The following RANBP2 variants were observed in gnomAD, a reference collection of about 807,000 sequenced individuals.
RANBP2 encodes the protein RAN binding protein 2, also known as E3 SUMO-protein ligase RanBP2.
In RANBP2, 57 loss-of-function variants were observed where a neutral mutation model predicts 303.6. The observed-to-expected ratio is 0.19, with a 90% CI of 0.15 to 0.23. The LOEUF (loss-of-function observed/expected upper bound fraction) is 0.23, where lower values mean the gene tolerates loss of function less well. Among genes scored for constraint, RANBP2 ranks in the 10% least tolerant of loss-of-function variants. The pLI is 1.00. For missense variants in RANBP2, 3,138 were observed against 3,780.8 expected, an observed-to-expected ratio of 0.83 and a Z score of 4.46; for synonymous variants, 1,167 against 1,301.5, an observed-to-expected ratio of 0.90 and a Z score of 2.23.
the RANBP2 span, among the ~76,000 whole-genome samples, chr2:109,031,971 C>T: frequency 6.9e-6 from 1 of 145,442 alleles, no homozygotes; most frequent in Non-Finnish European, 1.5e-5. Flanking sequence ...ACGCTCGCTG[C>T]CCTCCCTCCC....
the RANBP2 span, among the ~76,000 whole-genome samples, chr2:109,437,863 A>G: frequency 6.6e-6 from 1 of 152,206 alleles, no homozygotes; most frequent in Non-Finnish European, 1.5e-5. Context: ...CTGGATTCGC[A>G]GGATGATCTG....
the RANBP2 span, among the ~76,000 whole-genome samples, chr2:109,640,756 C>T: frequency 1.3e-5 from 2 of 152,098 alleles, no homozygotes; most frequent in Non-Finnish European, 2.9e-5. Flanking sequence ...TCTGTCTGAC[C>T]GCTGTTTACT....
the RANBP2 span, among the ~76,000 whole-genome samples, chr2:109,381,471 C>T: frequency 1.8e-4 from 27 of 152,142 alleles, no homozygotes; most frequent in Admixed American, 1.8e-3. Context: ...CTCACACCTA[C>T]CCTCCGCAGG....
chr2:109,621,284 C>T, the RANBP2 span, among the ~76,000 whole-genome samples: 1 of 152,150 alleles, frequency 6.6e-6, no homozygotes, highest in African/African-American at 2.4e-5. Flanking sequence ...TCCCGAGTAG[C>T]TGGGACTACA....
chr2:108,769,877 G>T (rs1459234469), intron 20 of RANBP2, among the ~76,000 whole-genome samples: 2 of 151,964 alleles, frequency 1.3e-5, no homozygotes, highest in Non-Finnish European at 2.9e-5. Flanking sequence ...GGTTAGGGAA[G>T]TGAAATCTCA....
the RANBP2 span, among the ~76,000 whole-genome samples, chr2:109,633,696 A>G: frequency 6.6e-6 from 1 of 152,150 alleles, no homozygotes; most frequent in Non-Finnish European, 1.5e-5. Context: ...AAGCCAAGAT[A>G]AAACGGAAAC....
the RANBP2 span, chr2:109,618,526 A>G: frequency 6.0e-6 from 1 of 167,074 alleles, no homozygotes; most frequent in African/African-American, 2.4e-5. Flanking sequence ...CCTGAGGAGA[A>G]CTACTTCTAG....
the RANBP2 span, among the ~76,000 whole-genome samples, chr2:109,155,201 G>A: frequency 2.0e-5 from 3 of 152,148 alleles, no homozygotes; most frequent in Non-Finnish European, 4.4e-5. Flanking sequence ...GATGTTCAGT[G>A]GTGTTCTCAT....
chr2:109,545,553 TA>T, the RANBP2 span: 43 of 1,535,422 alleles, frequency 2.8e-5, 1 homozygote, highest in Middle Eastern at 8.3e-4. Context: ...CTTATTAAAA[TA>T]AAAATTCTCA....
At chr2:109,541,171 T>C in the RANBP2 span, among the ~76,000 whole-genome samples, 2 of 152,214 alleles carry the variant, frequency 1.3e-5, no homozygotes, top group Non-Finnish European at 2.9e-5. Flanking sequence ...GCAATTCTGA[T>C]TTACCTGTGT....
At chr2:109,290,458 C>G in the RANBP2 span, among the ~76,000 whole-genome samples, 1 of 152,250 alleles carries the variant, frequency 6.6e-6, no homozygotes, top group Non-Finnish European at 1.5e-5. Flanking sequence ...TTTCATTACC[C>G]GGAATCCTCA....
the RANBP2 span, among the ~76,000 whole-genome samples, chr2:109,403,778 G>A: frequency 2.0e-4 from 31 of 152,282 alleles, no homozygotes; most frequent in South Asian, 5.8e-3. Flanking sequence ...AGAGCCAGAC[G>A]GCCAGGTTGA....
At chr2:109,389,139 A>G in the RANBP2 span, among the ~76,000 whole-genome samples, 1 of 152,182 alleles carries the variant, frequency 6.6e-6, no homozygotes, top group Non-Finnish European at 1.5e-5. Context: ...CTGCACATAG[A>G]ACACAGGTGA....
the RANBP2 span, among the ~76,000 whole-genome samples, chr2:109,146,100 G>A: frequency 1.3e-5 from 2 of 152,200 alleles, no homozygotes; most frequent in African/African-American, 4.8e-5. Flanking sequence ...TGAACAGTTA[G>A]ATTTAGTGAA....
the RANBP2 span, chr2:109,564,362 C>T: frequency 9.7e-6 from 15 of 1,548,178 alleles, no homozygotes; most frequent in African/African-American, 2.0e-4. Flanking sequence ...GAACCCCACC[C>T]TACCTGACTG....
the RANBP2 span, among the ~76,000 whole-genome samples, chr2:109,240,250 A>C: frequency 6.6e-6 from 1 of 152,218 alleles, no homozygotes; most frequent in Non-Finnish European, 1.5e-5. Flanking sequence ...CTATAATTTC[A>C]GCACTTTGGG....
the RANBP2 span, among the ~76,000 whole-genome samples, chr2:109,669,203 G>A: frequency 6.6e-6 from 1 of 152,124 alleles, no homozygotes; most frequent in Admixed American, 6.5e-5. Flanking sequence ...TTATGCTGAA[G>A]ACCAGAAACC....
the RANBP2 span, among the ~76,000 whole-genome samples, chr2:109,021,140 A>G: frequency 1.3e-5 from 2 of 152,238 alleles, no homozygotes. Flanking sequence ...CCTGGGGGAC[A>G]GAATAAGGCA....
chr2:108,750,290 T>C (rs940790653), intron 9 of RANBP2, among the ~76,000 whole-genome samples: 10 of 152,256 alleles, frequency 6.6e-5, no homozygotes, highest in African/African-American at 2.2e-4. Flanking sequence ...AAATATCACT[T>C]TTATTGGCAA....
Sources: gnomAD v4.1 joint callset for allele counts (sites outside exome capture counted in the v4.1 genomes callset) on GRCh38, gnomAD v4.1.1 for gene constraint, MANE v1.5 for transcripts, NCBI Gene and HGNC (gene_info 2026-07-23, HGNC 2026-07-21) for gene names.